The following MUC6 variants were observed in gnomAD, a reference collection of about 807,000 sequenced individuals.
MUC6 encodes the protein mucin-6.
In MUC6, 188 loss-of-function variants were observed where a neutral mutation model predicts 201.5. The observed-to-expected ratio is 0.93, with a 90% CI of 0.83 to 1.05. The LOEUF (loss-of-function observed/expected upper bound fraction) is 1.05. MUC6 is among the 50% of genes least tolerant of loss of function. The pLI is 0.00. For synonymous variants in MUC6, 1,228 were observed against 1,389.4 expected (o/e 0.88, Z 2.58); for missense variants, 2,706 against 3,256.9 (o/e 0.83, Z 4.12).
At chr11:1,020,368 G>T in intron 28 of MUC6, 111 bp from the exon 29 acceptor site, 1 of 1,375,866 alleles carries the variant, frequency 7.3e-7, no homozygotes, top group Non-Finnish European at 9.8e-7. Context: ...AGGGGCCAAT[G>T]ATGTGCAGTT....
rs1857147030 is a variant in MUC6 at position 1,033,074 on chromosome 11, A to C, written c.54T>G (p.Gly18=). Residue 18 remains glycine, a splice_region_variant and synonymous_variant, in exon 2 of 33, where the codon GGT becomes GGG. Coordinates refer to ENST00000421673, the MANE Select transcript of MUC6 (RefSeq NM_005961.3). This position sits in a 1 kb window ranked among gnomAD's most constrained non-coding sequence, Gnocchi z 5.6. ...LSCCGALLSA[G]LANTSYTSPG... is the part of the protein sequence containing the mutation. The stretch of plus-strand genomic sequence containing the variant: ...GGCTGGTGTAGGAGGTGTTAGCCAG[A>C]CCTGTGTGGACGGGACCCGCAGTCG... The C allele has an allele frequency of 5.6e-6, 9 of 1,612,892 alleles. No homozygotes were observed. The highest frequency in any genetic ancestry group is 1.3e-5 in the African/African-American group (1 of 74,798).
In MUC6 at chr11:1,018,785, G is replaced by T. The variant is rs1856743848; in HGVS notation, c.4031-15C>A. ...GGTCGATTTTGCTGTGGGAATTGGT[G>T]AAGTTGTCATCGTTATTGTTTTTGT... On this transcript the variant is annotated splice_polypyrimidine_tract_variant and intron_variant, in intron 30 of 32. Transcript: ENST00000421673. 2 of 1,547,208 alleles carry T rather than the reference G, an allele frequency of 1.3e-6. No individual in the cohort carries two copies. The highest frequency in any genetic ancestry group is 1.7e-6 in the Non-Finnish European group (2 of 1,151,780).
intron 22 of MUC6, 22 bp downstream of exon 22, chr11:1,025,783 C>G (rs760422200): frequency 6.3e-7 from 1 of 1,599,092 alleles, no homozygotes; most frequent in Non-Finnish European, 8.5e-7. Context: ...CCTGCCCTGC[C>G]AGAGTCTGCC....
In MUC6 at chr11:1,031,637, T is replaced by C. The variant is rs186548174; in HGVS notation, c.453A>G (p.Glu151=). Residue 151 remains glutamate (E), a synonymous_variant, in exon 4 of 33, where the codon GAA becomes GAG. Transcript: ENST00000421673. ...LVAKQLELEL[E]VVWGPDSHLM... Reference sequence around the variant, plus strand: ...GGTGGCTGTCAGGACCCCACACGACTTCCAGCTCCAGCTCCAGCTGCTTGG... The same window carrying C: ...GGTGGCTGTCAGGACCCCACACGACCTCCAGCTCCAGCTCCAGCTGCTTGG... 558 of 1,550,036 alleles carry C rather than the reference T, an allele frequency of 3.6e-4. 3 individuals are homozygous for C. The African/African-American group carries it at 7.0e-3, about 20-fold the overall frequency.
At chr11:1,018,996 C>T (rs923836801) in intron 30 of MUC6, among the ~76,000 whole-genome samples, 6 of 152,140 alleles carry the variant, frequency 3.9e-5, no homozygotes, top group African/African-American at 1.2e-4. Context: ...GTGCAGCTGC[C>T]GCTCTGTGAC....
chr11:1,020,605 C>G, intron 28 of MUC6, 79 bp downstream of exon 28: 1 of 1,587,132 alleles, frequency 6.3e-7, no homozygotes. Context: ...GCTTCCCACC[C>G]GACAGATTTG....
At chr11:1,030,383 C>CCCCCCCCCCCCCCCCCCCCTTT in intron 7 of MUC6, 48 bp from the exon 8 acceptor site, 1 of 1,514,810 alleles carries the variant, frequency 6.6e-7, no homozygotes, top group Non-Finnish European at 8.9e-7. Context: ...CCCCCCACCC[C>CCCCCCCCCCCCCCCCCCCCTTT]TCCCTGCCCC....
chr11:1,032,144 G>C (rs2133836901), intron 2 of MUC6, 91 bp from the exon 3 acceptor site: 1 of 1,515,596 alleles, frequency 6.6e-7, no homozygotes, highest in Non-Finnish European at 8.8e-7. Flanking sequence ...TCGTCTCCCT[G>C]GGCCAGGGTT....
Position 1,033,727 on chromosome 11 carries a change from C to G in MUC6, c.53-652G>C, listed in dbSNP as rs1163228379. On this transcript the variant is annotated intron_variant, in intron 1 of 32. Coordinates refer to ENST00000421673, the MANE Select transcript of MUC6 (RefSeq NM_005961.3). This position sits in a 1 kb window ranked among gnomAD's most constrained non-coding sequence, Gnocchi z 5.6. ...CCCAGAGGCTGGGGTGGGGCCAACA[C>G]CCCCCACGTCCCACCCCCTGTACCC... Among the ~76,000 whole-genome samples, 1 of 151,980 alleles carries G rather than the reference C, an allele frequency of 6.6e-6. No individual in the cohort carries two copies. The highest frequency in any genetic ancestry group is 1.5e-5 in the Non-Finnish European group (1 of 67,938).
At chr11:1,025,701 G>T in intron 22 of MUC6, 104 bp downstream of exon 22, 1 of 1,111,922 alleles carries the variant, frequency 9.0e-7, no homozygotes, top group Non-Finnish European at 1.3e-6. Context: ...GGGGAGGGCT[G>T]CATCTCGGGG....
intron 24 of MUC6, among the ~76,000 whole-genome samples, chr11:1,024,491 C>T (rs1330309733): frequency 3.3e-5 from 5 of 152,222 alleles, no homozygotes; most frequent in South Asian, 2.1e-4. Context: ...GGCCGGATCA[C>T]GCCCTGGGCT....
chr11:1,025,438 A>G, intron 22 of MUC6, 71 bp from the exon 23 acceptor site: 1 of 1,537,388 alleles, frequency 6.5e-7, no homozygotes, highest in African/African-American at 1.4e-5. Flanking sequence ...TGCTGGACCG[A>G]GCTCTCAGAG....
At position 1,025,344 on chromosome 11, in the gene MUC6, G is replaced by A. The variant is rs777845528; in HGVS notation, c.2823C>T (p.Asp941=). ...CCTCCCCGGTGACCGTGTAGTTTCT[G>A]TCCGCCAGCACCACGGACAGGCCCT... ...FLGGLSVVLA[D]RNYTVTGEEP... Residue 941 remains aspartate (D), a synonymous_variant, in exon 23 of 33, where the codon GAC becomes GAT. Coordinates refer to ENST00000421673, the MANE Select transcript of MUC6 (RefSeq NM_005961.3). The A allele has an allele frequency of 1.2e-6, 2 of 1,610,844 alleles. No individual in the cohort carries two copies. Among genetic ancestry groups the A allele is most frequent in the East Asian group, 2.2e-5 (1 of 44,800 alleles).
At chr11:1,030,389 G>GCCCCA in intron 7 of MUC6, 54 bp from the exon 8 acceptor site, 2 of 605,260 alleles carry the variant, frequency 3.3e-6, no homozygotes, top group Non-Finnish European at 4.4e-6. Context: ...ACCCCTCCCT[G>GCCCCA]CCCCACCCCA....
At chr11:1,022,989 GGTGA>G (rs1856852639) in intron 26 of MUC6, among the ~76,000 whole-genome samples, 1 of 151,250 alleles carries the variant, frequency 6.6e-6, no homozygotes. Flanking sequence ...CATGAATGTG[GGTGA>G]GTAAATGTGT....
rs200656236 is a variant in MUC6 at position 1,025,316 on chromosome 11, G to T, written c.2851C>A (p.Pro951Thr). 1,056 of 1,612,394 alleles carry T rather than the reference G, an allele frequency of 6.5e-4. 5 individuals carry two copies. Among genetic ancestry groups the T allele is most frequent in the South Asian group, 1.0e-3 (94 of 91,080 alleles). ...GGCGTCACCCCGAGCTGCACGTGGGGCTCCTCCCCGGTGACCGTGTAGTTT... is the reference window on the plus strand; with the variant it reads ...GGCGTCACCCCGAGCTGCACGTGGGTCTCCTCCCCGGTGACCGTGTAGTTT... ...DRNYTVTGEE[P>T]HVQLGVTPGA... The change falls in exon 23 of 33, where the codon CCC becomes ACC. Residue 951 changes from proline to threonine, a missense_variant. Transcript: ENST00000421673.
Position 1,027,778 on chromosome 11 carries a change from G to T in MUC6, c.1888C>A (p.Pro630Thr). ...YQACNYEETF[P>T]HICAALGDYV... ...TCGCCCAGGGCGGCACAGATGTGGG[G>T]AAAGGTCTCCTCGTAGTTGCAGGCC... The change falls in exon 16 of 33, where the codon CCC (proline) becomes ACC (threonine). Residue 630 changes from proline to threonine, a missense_variant. Coordinates refer to ENST00000421673, the MANE Select transcript of MUC6 (RefSeq NM_005961.3). The T allele has an allele frequency of 6.2e-7, 1 of 1,611,216 alleles. No homozygotes were observed. Among genetic ancestry groups the T allele is most frequent in the Non-Finnish European group, 8.5e-7 (1 of 1,179,370 alleles).
At chr11:1,026,665 C>G (rs748083544) in intron 19 of MUC6, among the ~76,000 whole-genome samples, 187 bp from the exon 20 acceptor site, 2 of 152,242 alleles carry the variant, frequency 1.3e-5, no homozygotes, top group Non-Finnish European at 2.9e-5. Flanking sequence ...CGTGGAAGGT[C>G]CTGGGACCCA....
intron 2 of MUC6, among the ~76,000 whole-genome samples, chr11:1,032,794 CATGT>C (rs1564846009): frequency 6.9e-6 from 1 of 145,032 alleles, no homozygotes; most frequent in South Asian, 2.2e-4. Context: ...TGTGCTCATG[CATGT>C]GTCATGTACA....
Sources: allele counts gnomAD v4.1 joint callset (sites outside exome capture counted in the v4.1 genomes callset), GRCh38; gene constraint gnomAD v4.1.1; non-coding constraint Gnocchi (gnomAD v3.1); transcripts MANE v1.5; gene names NCBI Gene and HGNC (gene_info 2026-07-23, HGNC 2026-07-21).